The following ABI3BP variants were observed in gnomAD, a reference collection of about 807,000 sequenced individuals.
ABI3BP encodes target of Nesh-SH3.
A neutral mutation model predicts 268.6 loss-of-function variants in ABI3BP; 216 were observed. The observed-to-expected ratio is 0.80, with a 90% CI of 0.72 to 0.90. ABI3BP has a LOEUF of 0.90. Ranked by LOEUF, ABI3BP falls within the 40% of genes least tolerant of loss-of-function variation. The pLI is 0.00. For synonymous variants in ABI3BP, 730 were observed against 730.0 expected, an observed-to-expected ratio of 1.00 and a Z score of 0.00; for missense variants, 2,090 against 2,182.4, an observed-to-expected ratio of 0.96 and a Z score of 0.84.
chr3:100,768,168 A>C (rs1331667591), intron 62 of ABI3BP, among the ~76,000 whole-genome samples: 1 of 142,718 alleles, frequency 7.0e-6, no homozygotes, highest in African/African-American at 2.6e-5. Context: ...GGCTCACTGC[A>C]AGCTCCGCCT....
chr3:100,978,826 G>A (rs2087662623), intron 1 of ABI3BP, among the ~76,000 whole-genome samples: 1 of 152,204 alleles, frequency 6.6e-6, no homozygotes, highest in African/African-American at 2.4e-5. Context: ...ATTTCTCAAT[G>A]CATGGTTAAT....
intron 38 of ABI3BP, among the ~76,000 whole-genome samples, chr3:100,821,898 G>A (rs1379065139): frequency 1.3e-5 from 2 of 152,094 alleles, no homozygotes; most frequent in Non-Finnish European, 2.9e-5. Flanking sequence ...ACTGCGCCCA[G>A]CAAAGTAAGA....
Position 100,829,654 on chromosome 3 carries a change from C to T in ABI3BP, c.2469G>A (p.Val823=). Residue 823 remains valine (V), a synonymous_variant, in exon 33 of 68, where the codon GTG becomes GTA. Coordinates refer to ENST00000471714, the MANE Select transcript of ABI3BP (RefSeq NM_001375547.2). ...EASGTTAAPK[V]PQRTHRPHPK... is the part of the protein sequence containing the mutation. ...GATGTGGACGATGAGTTCGTTGAGG[C>T]ACTTTGGGAGCTAAAGGAAGAAAAC... 1 of 1,535,400 alleles carries T rather than the reference C, an allele frequency of 6.5e-7. No homozygotes were observed. Among genetic ancestry groups the T allele is most frequent in the Non-Finnish European group, 8.7e-7 (1 of 1,146,274 alleles).
chr3:100,914,831 C>T (rs1033211260), intron 2 of ABI3BP, among the ~76,000 whole-genome samples: 11 of 152,170 alleles, frequency 7.2e-5, no homozygotes, highest in African/African-American at 2.7e-4. Flanking sequence ...AGAAAAGACA[C>T]ACTTTTTCTA....
chr3:100,778,951 A>G (rs1172397638), intron 58 of ABI3BP, among the ~76,000 whole-genome samples: 2 of 152,180 alleles, frequency 1.3e-5, no homozygotes, highest in Non-Finnish European at 2.9e-5. Context: ...TTGAAAGGCT[A>G]TAAACACGCA....
intron 63 of ABI3BP, among the ~76,000 whole-genome samples, chr3:100,760,734 T>G (rs1176355272): frequency 6.6e-6 from 1 of 152,208 alleles, no homozygotes; most frequent in Non-Finnish European, 1.5e-5. Context: ...TTCGCAGAAC[T>G]AAAGCTAATC....
intron 15 of ABI3BP, among the ~76,000 whole-genome samples, 154 bp downstream of exon 15, chr3:100,851,721 G>A (rs1439700344): frequency 6.6e-6 from 1 of 152,132 alleles, no homozygotes; most frequent in Non-Finnish European, 1.5e-5. Context: ...TCTATGGGAG[G>A]AGTGGGTAAA....
intron 1 of ABI3BP, among the ~76,000 whole-genome samples, chr3:100,946,010 C>G (rs2072002556): frequency 6.6e-6 from 1 of 152,038 alleles, no homozygotes; most frequent in Non-Finnish European, 1.5e-5. Context: ...ATCAATGTCA[C>G]TAAATATACG....
chr3:100,880,321 T>G (rs2099214442), intron 6 of ABI3BP, among the ~76,000 whole-genome samples: 1 of 152,178 alleles, frequency 6.6e-6, no homozygotes, highest in Non-Finnish European at 1.5e-5. Context: ...TTGCTGGCTC[T>G]CTTTTCCCTA....
intron 2 of ABI3BP, among the ~76,000 whole-genome samples, chr3:100,909,071 T>G (rs780685931): frequency 6.6e-6 from 1 of 152,014 alleles, no homozygotes; most frequent in Non-Finnish European, 1.5e-5. Flanking sequence ...CATAGACCAA[T>G]GAAACAGAAC....
At chr3:100,793,438 C>G (rs537790584) in intron 54 of ABI3BP, among the ~76,000 whole-genome samples, 6 of 151,888 alleles carry the variant, frequency 4.0e-5, no homozygotes, top group Non-Finnish European at 8.8e-5. Context: ...CTTTTGTATT[C>G]TCTTGATTCT....
At chr3:100,916,531 C>T (rs900843881) in intron 2 of ABI3BP, among the ~76,000 whole-genome samples, 1 of 152,194 alleles carries the variant, frequency 6.6e-6, no homozygotes, top group Non-Finnish European at 1.5e-5. Flanking sequence ...CTTGGGGACT[C>T]ACTGTCTTCA....
At chr3:100,955,966 T>A (rs956965445) in intron 1 of ABI3BP, among the ~76,000 whole-genome samples, 55 of 152,122 alleles carry the variant, frequency 3.6e-4, no homozygotes, top group African/African-American at 1.3e-3. Flanking sequence ...GATGAGCAGA[T>A]CACCTGAGGT....
intron 63 of ABI3BP, among the ~76,000 whole-genome samples, chr3:100,761,763 G>T (rs1483433071): frequency 1.3e-5 from 2 of 150,018 alleles, no homozygotes; most frequent in Non-Finnish European, 2.9e-5. Context: ...TGGGTTAAGT[G>T]TTGTAACGTG....
At chr3:100,981,952 G>T (rs768215710) in intron 1 of ABI3BP, among the ~76,000 whole-genome samples, 21 of 152,134 alleles carry the variant, frequency 1.4e-4, no homozygotes, top group Middle Eastern at 3.2e-3. Flanking sequence ...CTACTATAAA[G>T]AAATACCCAA....
intron 20 of ABI3BP, among the ~76,000 whole-genome samples, chr3:100,842,359 T>C (rs1353757739): frequency 6.6e-6 from 1 of 152,192 alleles, no homozygotes; most frequent in East Asian, 1.9e-4. Context: ...ACCTGATATT[T>C]GTTTCTTGCA....
intron 62 of ABI3BP, among the ~76,000 whole-genome samples, chr3:100,767,944 GCACCAAAGCAAC>G (rs140943599): frequency 0.021 from 3,239 of 152,242 alleles, 121 homozygotes; most frequent in African/African-American, 0.074. Flanking sequence ...AGTTGGTTAT[GCACCAAAGCAAC>G]CACCTTCAGA....
chr3:100,898,972 A>G, intron 3 of ABI3BP, 78 bp from the exon 4 acceptor site: 3 of 1,438,588 alleles, frequency 2.1e-6, no homozygotes, highest in East Asian at 4.9e-5. Context: ...TGCATTAAAG[A>G]TGACTTGGCA....
intron 1 of ABI3BP, among the ~76,000 whole-genome samples, chr3:100,956,689 G>A (rs2076964018): frequency 6.6e-6 from 1 of 152,174 alleles, no homozygotes; most frequent in African/African-American, 2.4e-5. Context: ...AGTAAAGCAA[G>A]GAAACAGGAA....
Sources: gnomAD v4.1 joint callset for allele counts (sites outside exome capture counted in the v4.1 genomes callset) on GRCh38, gnomAD v4.1.1 for gene constraint, MANE v1.5 for transcripts, NCBI Gene and HGNC (gene_info 2026-07-23, HGNC 2026-07-21) for gene names.